The following IQGAP2 variants were observed in gnomAD, a reference collection of about 807,000 sequenced individuals.
IQGAP2 encodes the protein ras GTPase-activating-like protein IQGAP2.
IQGAP2 carries 173 observed loss-of-function variants against 201.3 expected under a neutral mutation model. The ratio of observed to expected loss-of-function variants is 0.86; its 90% CI spans 0.76 to 0.98. IQGAP2 has a LOEUF of 0.98. Among genes scored for constraint, IQGAP2 ranks in the 50% least tolerant of loss-of-function variants. The pLI is 0.00. For synonymous variants in IQGAP2, 675 were observed against 673.9 expected (o/e 1.00, Z -0.03); for missense variants, 1,687 against 1,864.8 (o/e 0.90, Z 1.76).
At chr5:76,525,799 C>T (rs922048450) in intron 2 of IQGAP2, among the ~76,000 whole-genome samples, 4 of 151,564 alleles carry the variant, frequency 2.6e-5, no homozygotes, top group Non-Finnish European at 4.4e-5. Context: ...CACAAAATAA[C>T]AAGTTCTAGT....
chr5:76,574,635 G>T (rs1431753053), intron 4 of IQGAP2, among the ~76,000 whole-genome samples: 1 of 152,158 alleles, frequency 6.6e-6, no homozygotes, highest in Non-Finnish European at 1.5e-5. Context: ...TAGTATGTAG[G>T]ATAACCTCCC....
intron 2 of IQGAP2, among the ~76,000 whole-genome samples, chr5:76,526,670 G>A (rs901300639): frequency 6.6e-6 from 1 of 152,140 alleles, no homozygotes; most frequent in African/African-American, 2.4e-5. Context: ...GTCCCCAGAT[G>A]ATTGATTGGC....
At chr5:76,527,798 G>A (rs1297932216) in intron 2 of IQGAP2, among the ~76,000 whole-genome samples, 1 of 152,132 alleles carries the variant, frequency 6.6e-6, no homozygotes, top group Non-Finnish European at 1.5e-5. Flanking sequence ...CTCATGTCTT[G>A]GCTGTTTGCA....
chr5:76,601,154 A>G (rs1299066276), intron 11 of IQGAP2, among the ~76,000 whole-genome samples, 182 bp downstream of exon 11: 1 of 152,238 alleles, frequency 6.6e-6, no homozygotes, highest in African/African-American at 2.4e-5. Flanking sequence ...TCTGGGGAAC[A>G]AGAAGAATCA....
At chr5:76,478,052 T>C (rs1755551352) in intron 2 of IQGAP2, among the ~76,000 whole-genome samples, 1 of 152,210 alleles carries the variant, frequency 6.6e-6, no homozygotes, top group Non-Finnish European at 1.5e-5. Context: ...AATTTATTAT[T>C]GAAGAAAGAA....
chr5:76,487,402 C>T (rs1300053450), intron 2 of IQGAP2, among the ~76,000 whole-genome samples: 1 of 152,136 alleles, frequency 6.6e-6, no homozygotes, highest in Non-Finnish European at 1.5e-5. Context: ...TATTGGTACT[C>T]CATATTGTCA....
At chr5:76,475,690 C>G (rs942768697) in intron 2 of IQGAP2, among the ~76,000 whole-genome samples, 1 of 152,128 alleles carries the variant, frequency 6.6e-6, no homozygotes, top group African/African-American at 2.4e-5. Flanking sequence ...TTTTCTGCCC[C>G]CCTCCCATAA....
chr5:76,574,558 T>C (rs910500111), intron 4 of IQGAP2, among the ~76,000 whole-genome samples: 1 of 152,228 alleles, frequency 6.6e-6, no homozygotes, highest in African/African-American at 2.4e-5. Context: ...CGTGAGCCAC[T>C]GCACCTGGCC....
intron 2 of IQGAP2, among the ~76,000 whole-genome samples, chr5:76,466,411 C>A (rs181956098): frequency 1.2e-4 from 19 of 152,188 alleles, no homozygotes; most frequent in Admixed American, 9.2e-4. Flanking sequence ...GAAAAAGAAA[C>A]GCAAAGTTGG....
chr5:76,677,912 C>G (rs967241220), intron 28 of IQGAP2, among the ~76,000 whole-genome samples: 2 of 152,078 alleles, frequency 1.3e-5, no homozygotes, highest in Non-Finnish European at 2.9e-5. Context: ...GCCGGGGCAA[C>G]AGAGCGAGAC....
rs1444167715 is a variant in IQGAP2, at chr5:76,633,778, TATACA to T, written c.1780+1758_1780+1762del. 9.2e-5 allele frequency among the ~76,000 whole-genome samples: 14 copies of T among 152,310 alleles called. No homozygotes were observed. In the East Asian group the frequency reaches 2.7e-3, roughly 29 times the overall value. On this transcript the variant is annotated intron_variant, in intron 15 of 35. Coordinates refer to ENST00000274364, the MANE Select transcript of IQGAP2 (RefSeq NM_006633.5). ...TTTGGACATTTCATGTAAACAGAAT[TATACA>T]ATACATAGCCTTTTGTGCCTGGCTT...
chr5:76,541,956 G>A lies in IQGAP2; in HGVS notation c.147-20440G>A, dbSNP rs541349551. 1.2e-3 allele frequency among the ~76,000 whole-genome samples: 178 copies of A among 152,236 alleles called. 1 individual carries two copies. Among genetic ancestry groups the A allele is most frequent in the African/African-American group, 4.2e-3 (174 of 41,540 alleles). Reference sequence around the variant, plus strand: ...GAGTTTTAGATGTATTTGATTCAACGTGCAGAATGTTTATTTTTTGTGTGC... The same window carrying A: ...GAGTTTTAGATGTATTTGATTCAACATGCAGAATGTTTATTTTTTGTGTGC... On this transcript the variant is annotated intron_variant, in intron 2 of 35. Transcript: ENST00000274364.
chr5:76,509,497 C>G (rs954219513), intron 2 of IQGAP2, among the ~76,000 whole-genome samples: 2 of 151,782 alleles, frequency 1.3e-5, no homozygotes, highest in South Asian at 4.2e-4. Context: ...CCCGGTTTCA[C>G]GCCATTCTTC....
At chr5:76,474,381 C>T (rs1011399881) in intron 2 of IQGAP2, among the ~76,000 whole-genome samples, 4 of 152,098 alleles carry the variant, frequency 2.6e-5, no homozygotes, top group Non-Finnish European at 5.9e-5. Context: ...TTCAAGTTTG[C>T]TTTTGGTTAA....
intron 30 of IQGAP2, among the ~76,000 whole-genome samples, chr5:76,688,777 A>C (rs903226160): frequency 1.3e-5 from 2 of 152,214 alleles, no homozygotes; most frequent in African/African-American, 4.8e-5. Context: ...ATTAAAATAA[A>C]CATGTATAAA....
chr5:76,618,135 C>T (rs766672353), intron 13 of IQGAP2: 16 of 1,614,076 alleles, frequency 9.9e-6, no homozygotes, highest in South Asian at 4.4e-5. Context: ...GGCCAGGTAG[C>T]GGTTGATGCT....
intron 21 of IQGAP2, among the ~76,000 whole-genome samples, chr5:76,658,983 G>A (rs1047697720): frequency 2.0e-5 from 3 of 152,084 alleles, no homozygotes; most frequent in Non-Finnish European, 4.4e-5. Context: ...AAAAAATACA[G>A]TAAAAATATA....
intron 5 of IQGAP2, among the ~76,000 whole-genome samples, chr5:76,583,178 T>A (rs558661299): frequency 7.9e-5 from 12 of 152,342 alleles, no homozygotes; most frequent in African/African-American, 2.9e-4. Flanking sequence ...CGATGGGCTT[T>A]TTTGTTTTTT....
intron 1 of IQGAP2, among the ~76,000 whole-genome samples, chr5:76,416,762 G>A (rs1474385916): frequency 5.9e-5 from 9 of 151,770 alleles, no homozygotes; most frequent in South Asian, 4.2e-4. Context: ...TCCTGACCTC[G>A]TGATCCGCCC....
Sources: allele counts gnomAD v4.1 joint callset (sites outside exome capture counted in the v4.1 genomes callset), GRCh38; gene constraint gnomAD v4.1.1; transcripts MANE v1.5; gene names NCBI Gene and HGNC (gene_info 2026-07-23, HGNC 2026-07-21).